CSNK1G2: variants seen among roughly 807,000 people sequenced by gnomAD.
The protein encoded by CSNK1G2 is casein kinase I isoform gamma-2.
Under a neutral mutation model 48.0 loss-of-function variants are expected in CSNK1G2, and 11 were observed. That is an observed-to-expected ratio of 0.23 (90% CI 0.14 to 0.38). CSNK1G2 has a LOEUF of 0.38. Among genes scored for constraint, CSNK1G2 ranks in the 10% least tolerant of loss-of-function variants. The pLI, the probability that CSNK1G2 is intolerant of heterozygous loss-of-function variation, is 1.00. For synonymous variants in CSNK1G2, 337 were observed against 254.1 expected (o/e 1.33, Z -3.10); for missense variants, 446 against 595.5 (o/e 0.75, Z 2.61).
At chr19:1,977,867 T>C (rs1044641214) in intron 2 of CSNK1G2, among the ~76,000 whole-genome samples, 1 of 152,130 alleles carries the variant, frequency 6.6e-6, no homozygotes, top group Admixed American at 6.5e-5. Context: ...GGCTCCTCTC[T>C]TCTAACCCAT....
intron 1 of CSNK1G2, among the ~76,000 whole-genome samples, chr19:1,951,030 G>A (rs1340812278): frequency 6.9e-6 from 1 of 145,916 alleles, no homozygotes. Context: ...TCTGTCCCCT[G>A]CTGTTGAAAT....
chr19:1,966,261 G>A (rs760968555), intron 1 of CSNK1G2, among the ~76,000 whole-genome samples: 26 of 152,230 alleles, frequency 1.7e-4, no homozygotes, highest in Non-Finnish European at 3.4e-4. Flanking sequence ...TCCATGGGAG[G>A]AGGTAACATG....
chr19:1,978,933 C>T lies in CSNK1G2; in HGVS notation c.522C>T (p.Gly174=). ...RDVKPENFLV[G]RPGTKRQHAI... is the part of the protein sequence containing the mutation. ...TGAAGCCCGAGAACTTCCTGGTGGG[C>T]CGCCCGGGGACCAAGCGGCAGCATG... Residue 174 remains glycine, a synonymous_variant, in exon 6 of 12, where the codon GGC becomes GGT. Coordinates refer to ENST00000255641, the MANE Select transcript of CSNK1G2 (RefSeq NM_001319.7). This position sits in a 1 kb window ranked among gnomAD's most constrained non-coding sequence, Gnocchi z 7.3. 1.2e-6 allele frequency: 2 copies of T among 1,602,166 alleles called. No individual in the cohort carries two copies.
chr19:1,966,004 G>T (rs974493321), intron 1 of CSNK1G2, among the ~76,000 whole-genome samples: 3 of 151,610 alleles, frequency 2.0e-5, no homozygotes, highest in South Asian at 4.2e-4. Context: ...TCCCTGTGTT[G>T]CCCAGGCTGG....
chr19:1,951,008 G>A lies in CSNK1G2; in HGVS notation c.-266+9590G>A, dbSNP rs983193957. On this transcript the variant is annotated intron_variant, in intron 1 of 11. Transcript: ENST00000255641. ...ATGGGGGTCAGAGAGCTGGCCAGGC[G>A]GGTGGTCTGTGTCTGTCCCCTGCTG... Among the ~76,000 whole-genome samples, 8 of 146,210 alleles carry A rather than the reference G, an allele frequency of 5.5e-5. 1 individual carries two copies. The highest frequency in any genetic ancestry group is 1.8e-4 in the African/African-American group (7 of 38,186).
intron 1 of CSNK1G2, among the ~76,000 whole-genome samples, chr19:1,960,908 G>A (rs57667559): frequency 0.029 from 4,446 of 152,278 alleles, 205 homozygotes; most frequent in African/African-American, 0.1. Context: ...CAAAATGCAG[G>A]CACGGACGTT....
Position 1,962,404 on chromosome 19 carries a change from C to T in CSNK1G2, c.-265-7104C>T, listed in dbSNP as rs114671450. 5.4e-3 allele frequency among the ~76,000 whole-genome samples: 824 copies of T among 151,976 alleles called. 5 individuals are homozygous for T. Among genetic ancestry groups the T allele is most frequent in the African/African-American group, 0.019 (794 of 41,448 alleles). ...ACAGAAGTGGGGTCACCACAGCTCACGCCTATAATCCCAGCACTTTGGGAG... is the reference window on the plus strand; with the variant it reads ...ACAGAAGTGGGGTCACCACAGCTCATGCCTATAATCCCAGCACTTTGGGAG... On this transcript the variant is annotated intron_variant, in intron 1 of 11. Coordinates refer to ENST00000255641, the MANE Select transcript of CSNK1G2 (RefSeq NM_001319.7).
chr19:1,951,735 C>T (rs1481083235), intron 1 of CSNK1G2, among the ~76,000 whole-genome samples: 1 of 144,712 alleles, frequency 6.9e-6, no homozygotes, highest in African/African-American at 2.7e-5. Context: ...GGCTGGAGTG[C>T]AGTGGTGTGA....
intron 1 of CSNK1G2, chr19:1,953,917 C>T (rs772306431): frequency 1.1e-5 from 6 of 533,912 alleles, no homozygotes; most frequent in Admixed American, 3.9e-5. Flanking sequence ...TCCTCGTGGG[C>T]GTCTCCGGTG....
Position 1,978,586 on chromosome 19 carries a change from C to T in CSNK1G2, c.299-16C>T. On this transcript the variant is annotated splice_polypyrimidine_tract_variant and intron_variant, in intron 4 of 11. Transcript: ENST00000255641. The surrounding 1 kb of genome is among the most constrained non-coding windows in gnomAD (Gnocchi z 7.3). ...GGGCTGCCGCCGCACGCCCGTGCGT[C>T]TGTCCTCCGCCGCAGAGGGCGTCCC... 4 of 1,583,682 alleles carry T rather than the reference C, an allele frequency of 2.5e-6. No individual in the cohort carries two copies. Among genetic ancestry groups the T allele is most frequent in the Non-Finnish European group, 3.4e-6 (4 of 1,165,542 alleles).
intron 1 of CSNK1G2, among the ~76,000 whole-genome samples, chr19:1,958,807 GC>G (rs2145537252): frequency 1.9e-5 from 1 of 51,402 alleles, no homozygotes; most frequent in Non-Finnish European, 3.6e-5. Flanking sequence ...GGCCGCAGCA[GC>G]CCAGCTCTCC....
chr19:1,969,991 G>A, intron 2 of CSNK1G2, 32 bp downstream of exon 2: 1 of 1,296,122 alleles, frequency 7.7e-7, no homozygotes, highest in Non-Finnish European at 9.8e-7. Context: ...GGTGGGGTCG[G>A]GAGGCTGCTG....
Position 1,957,036 on chromosome 19 carries a change from C to T in CSNK1G2, c.-265-12472C>T, listed in dbSNP as rs111384828. ...AGAGGGAAGGCTGGTGGTGGCGCCCCCCTTCGACGGTCGTGCCCTGATGCT... is the reference window on the plus strand; with the variant it reads ...AGAGGGAAGGCTGGTGGTGGCGCCCTCCTTCGACGGTCGTGCCCTGATGCT... On this transcript the variant is annotated intron_variant, in intron 1 of 11. Coordinates refer to ENST00000255641, the MANE Select transcript of CSNK1G2 (RefSeq NM_001319.7). This position sits in a 1 kb window ranked among gnomAD's most constrained non-coding sequence, Gnocchi z 5.4. 6.6e-6 allele frequency among the ~76,000 whole-genome samples: 1 copy of T among 152,154 alleles called. No individual in the cohort carries two copies. Among genetic ancestry groups the T allele is most frequent in the African/African-American group, 2.4e-5 (1 of 41,442 alleles).
chr19:1,966,628 G>A (rs542881595), intron 1 of CSNK1G2, among the ~76,000 whole-genome samples: 1 of 152,310 alleles, frequency 6.6e-6, no homozygotes, highest in Admixed American at 6.5e-5. Flanking sequence ...ACGTTCTGCT[G>A]TGGGTAATCA....
intron 1 of CSNK1G2, among the ~76,000 whole-genome samples, chr19:1,955,398 G>A (rs1189457963): frequency 3.3e-5 from 5 of 152,188 alleles, no homozygotes; most frequent in African/African-American, 4.8e-5. Flanking sequence ...ACCGTGGGCG[G>A]CAGGTGTGCA....
intron 1 of CSNK1G2, among the ~76,000 whole-genome samples, chr19:1,968,611 G>C (rs890878440): frequency 2.0e-4 from 30 of 152,216 alleles, no homozygotes; most frequent in Non-Finnish European, 3.5e-4. Flanking sequence ...TGCAGACTCA[G>C]CGAGGGGCTG....
chr19:1,960,639 G>A (rs2015167477), intron 1 of CSNK1G2, among the ~76,000 whole-genome samples: 1 of 152,210 alleles, frequency 6.6e-6, no homozygotes, highest in South Asian at 2.1e-4. Context: ...TATAATCCCA[G>A]CACTTTGGGA....
intron 1 of CSNK1G2, among the ~76,000 whole-genome samples, chr19:1,946,252 A>G (rs1019964655): frequency 8.9e-5 from 9 of 101,522 alleles, no homozygotes; most frequent in African/African-American, 1.6e-4. Context: ...GGGCTGGCCC[A>G]TCACTATTTA....
intron 1 of CSNK1G2, among the ~76,000 whole-genome samples, chr19:1,949,645 G>A (rs753566930): frequency 3.3e-5 from 5 of 152,262 alleles, no homozygotes; most frequent in Non-Finnish European, 7.3e-5. Flanking sequence ...CGGTGGAACC[G>A]CTGGTCACAG....
Sources: allele counts gnomAD v4.1 joint callset (sites outside exome capture counted in the v4.1 genomes callset), GRCh38; gene constraint gnomAD v4.1.1; non-coding constraint Gnocchi (gnomAD v3.1); transcripts MANE v1.5; gene names NCBI Gene and HGNC (gene_info 2026-07-23, HGNC 2026-07-21).